Variants in CHD7 observed in about 807,000 individuals in gnomAD.
CHD7 encodes ATP-dependent chromatin remodeler CHD7.
CHD7 carries 24 observed loss-of-function variants against 307.3 expected under a neutral mutation model. The observed-to-expected ratio is 0.08, with a 90% CI of 0.06 to 0.11. CHD7 has a LOEUF of 0.11. CHD7 is among the 10% of genes least tolerant of loss of function. CHD7 has a pLI of 1.00. For synonymous variants in CHD7, 1,363 were observed against 1,349.9 expected, an observed-to-expected ratio of 1.01 and a Z score of -0.21; for missense variants, 3,106 against 3,727.1, an observed-to-expected ratio of 0.83 and a Z score of 4.34.
intron 22 of CHD7, 32 bp downstream of exon 22, chr8:60,845,095 G>A (rs1207369536): frequency 8.7e-6 from 14 of 1,606,934 alleles, no homozygotes; most frequent in Admixed American, 5.1e-5. Context: ...TGTGCTACAG[G>A]GTCACAAAGC....
chr8:60,797,302 A>G (rs1421925751), intron 4 of CHD7, among the ~76,000 whole-genome samples: 1 of 152,212 alleles, frequency 6.6e-6, no homozygotes, highest in Non-Finnish European at 1.5e-5. Context: ...TTATAATTGT[A>G]TTTTGGGGTG....
In CHD7 at chr8:60,851,309, A is replaced by G; in HGVS notation, c.5655A>G (p.Ile1885Met). ...AGGATAAGGAAGAATCCATGGAAAT[A>G]CATGCCACAGGTAAGGTCCCAGAAA... ...PSEDKEESME[I>M]HATGKHSESN... Residue 1885 changes from isoleucine to methionine, a missense_variant, in exon 28 of 38, where the codon ATA (isoleucine) becomes ATG (methionine). By Grantham distance (10) the Ile-to-Met change is conservative (BLOSUM62 1). This residue lies in a region of CHD7 where 1,030 missense variants were observed against 1,165.4 expected (regional missense o/e 0.88). Coordinates refer to ENST00000423902, the MANE Select transcript of CHD7 (RefSeq NM_017780.4). The G allele has an allele frequency of 4.5e-6, 7 of 1,559,476 alleles. 1 individual carries two copies. The South Asian group carries it at 8.3e-5, about 18-fold the overall frequency.
intron 1 of CHD7, among the ~76,000 whole-genome samples, chr8:60,694,172 T>C (rs1221493506): frequency 6.6e-6 from 1 of 152,234 alleles, no homozygotes; most frequent in African/African-American, 2.4e-5. Context: ...TATAACAGAA[T>C]CTTTTTGGCT....
intron 3 of CHD7, among the ~76,000 whole-genome samples, chr8:60,787,578 A>G (rs1811552441): frequency 1.3e-5 from 2 of 152,096 alleles, no homozygotes; most frequent in Non-Finnish European, 2.9e-5. Context: ...TTTTTAAGTA[A>G]GACAACACCC....
rs564157248 is a variant in CHD7, at chr8:60,822,290, T to G, written c.2957+145T>G. 6 of 710,540 alleles carry G rather than the reference T, an allele frequency of 8.4e-6. No individual in the cohort carries two copies. In the African/African-American group the frequency reaches 9.0e-5, roughly 11 times the overall value. 44.0% of individuals were successfully genotyped at this position (710,540 alleles called of 1,614,324 possible). ...AAGCATTGAAAATATATGTAATATT[T>G]AATAAATATTAATACAGAGATTGAT... is the stretch of plus-strand genomic sequence containing the variant. On this transcript the variant is annotated intron_variant, in intron 11 of 37. Coordinates refer to ENST00000423902, the MANE Select transcript of CHD7 (RefSeq NM_017780.4).
intron 14 of CHD7, among the ~76,000 whole-genome samples, chr8:60,829,085 T>G (rs1804383186): frequency 6.6e-6 from 1 of 152,194 alleles, no homozygotes; most frequent in Non-Finnish European, 1.5e-5. Flanking sequence ...CTGTGCAGGT[T>G]GGTAGTTTTG....
intron 11 of CHD7, 78 bp downstream of exon 11, chr8:60,822,223 G>A (rs888913361): frequency 9.1e-6 from 12 of 1,317,672 alleles, no homozygotes; most frequent in East Asian, 7.4e-5. Context: ...TAATAAAAAA[G>A]AACTTAATGT....
chr8:60,806,896 GGGA>G (rs1360879856), intron 6 of CHD7, among the ~76,000 whole-genome samples: 1 of 152,120 alleles, frequency 6.6e-6, no homozygotes, highest in Non-Finnish European at 1.5e-5. Context: ...CAGCTACTTG[GGGA>G]GGTGGTAGGG....
chr8:60,741,809 A>C lies in CHD7; in HGVS notation c.377A>C (p.Tyr126Ser). The C allele has an allele frequency of 6.2e-7, 1 of 1,613,838 alleles. No individual in the cohort carries two copies. The highest frequency in any genetic ancestry group is 1.1e-5 in the South Asian group (1 of 91,050). ...GGSGGGQMGVYPGMQNERHGQ... is the reference protein window; with the variant it reads ...GGSGGGQMGVSPGMQNERHGQ... ...AGTGGTGGCGGTCAGATGGGTGTCTACCCTGGCATGCAGAATGAGAGGCAT... is the reference window on the plus strand; with the variant it reads ...AGTGGTGGCGGTCAGATGGGTGTCTCCCCTGGCATGCAGAATGAGAGGCAT... Residue 126 changes from tyrosine (Y) to serine (S), a missense_variant, in exon 2 of 38, where the codon TAC becomes TCC. This residue lies in a region of CHD7 where 998 missense variants were observed against 1,004.5 expected (regional missense o/e 0.99). Transcript: ENST00000423902.
intron 3 of CHD7, among the ~76,000 whole-genome samples, chr8:60,784,423 C>A (rs1224772006): frequency 6.6e-6 from 1 of 152,130 alleles, no homozygotes; most frequent in Non-Finnish European, 1.5e-5. Context: ...ACTCTGCAGC[C>A]CTGTATGCCA....
At chr8:60,829,225 GCCTACGTA>G (rs1804390084) in intron 14 of CHD7, among the ~76,000 whole-genome samples, 2 of 152,194 alleles carry the variant, frequency 1.3e-5, no homozygotes, top group African/African-American at 4.8e-5. Context: ...ACTTCTTCAA[GCCTACGTA>G]TTTTCACTTT....
At chr8:60,849,431 T>C (rs1323912946) in intron 25 of CHD7, among the ~76,000 whole-genome samples, 1 of 152,234 alleles carries the variant, frequency 6.6e-6, no homozygotes, top group Admixed American at 6.5e-5. Flanking sequence ...AGTTGTACTA[T>C]AGCTCTCCCT....
intron 2 of CHD7, among the ~76,000 whole-genome samples, chr8:60,771,474 A>G (rs1311210228): frequency 8.5e-5 from 13 of 152,172 alleles, no homozygotes. Flanking sequence ...TAAGTTTCAG[A>G]TTTCGGAGCA....
intron 6 of CHD7, among the ~76,000 whole-genome samples, 197 bp downstream of exon 6, chr8:60,801,790 G>A (rs1352422201): frequency 6.6e-6 from 1 of 152,290 alleles, no homozygotes; most frequent in Middle Eastern, 3.4e-3. Flanking sequence ...ATATCAAGCA[G>A]TCAGTGCTTT....
chr8:60,741,763 C>G lies in CHD7; in HGVS notation c.331C>G (p.Pro111Ala), dbSNP rs147164392. Residue 111 changes from proline to alanine, a missense_variant, in exon 2 of 38, where the codon CCT (proline) becomes GCT (alanine). Pro to Ala is a conservative substitution (Grantham distance 27). Transcript: ENST00000423902. Reference sequence around the variant, plus strand: ...CTCGCAGTATCACACCCCTCCCGTTCCTCAGGTGCCCCATGGTGGCAGTGG... The same window carrying G: ...CTCGCAGTATCACACCCCTCCCGTTGCTCAGGTGCCCCATGGTGGCAGTGG... ...PHSQYHTPPV[P>A]QVPHGGSGGG... is the part of the protein sequence containing the mutation. The G allele has an allele frequency of 6.2e-7, 1 of 1,613,922 alleles. No individual in the cohort carries two copies.
At chr8:60,859,040 CGTT>C (rs931729067) in intron 34 of CHD7, among the ~76,000 whole-genome samples, 7 of 152,118 alleles carry the variant, frequency 4.6e-5, no homozygotes, top group African/African-American at 1.4e-4. Context: ...TATTTTAAGC[CGTT>C]GTTAAGAATT....
Position 60,741,532 on chromosome 8 carries a change from G to T in CHD7, c.100G>T (p.Val34Leu). ...LGECGYPENP[V>L]NPMGQQMPID... The stretch of plus-strand genomic sequence containing the variant: ...AGAATGTGGTTACCCGGAAAATCCA[G>T]TAAATCCTATGGGTCAGCAAATGCC... The change falls in exon 2 of 38, where the codon GTA (valine) becomes TTA (leucine). Residue 34 changes from valine to leucine, a missense_variant. By Grantham distance (32) the Val-to-Leu change is conservative (BLOSUM62 1). Coordinates refer to ENST00000423902, the MANE Select transcript of CHD7 (RefSeq NM_017780.4). The T allele has an allele frequency of 6.2e-7, 1 of 1,613,420 alleles. No individual in the cohort carries two copies. Among genetic ancestry groups the T allele is most frequent in the South Asian group, 1.1e-5 (1 of 90,890 alleles).
chr8:60,857,706 A>G (rs2129663240), intron 34 of CHD7, among the ~76,000 whole-genome samples: 1 of 152,304 alleles, frequency 6.6e-6, no homozygotes, highest in African/African-American at 2.4e-5. Flanking sequence ...TTCTTCAAGC[A>G]GTGGGACACA....
Position 60,824,004 on chromosome 8 carries a change from G to C in CHD7, c.3366G>C (p.Lys1122Asn), listed in dbSNP as rs41272440. The change falls in exon 13 of 38, where the codon AAG becomes AAC. Residue 1122 changes from lysine to asparagine, a missense_variant. Coordinates refer to ENST00000423902, the MANE Select transcript of CHD7 (RefSeq NM_017780.4). ...NRNCKLLEGL[K>N]MMDLEHKVLL... ...ACTGCAAGCTGTTGGAGGGACTCAA[G>C]ATGATGGACTTGGTCAGTGACCATA... is the stretch of plus-strand genomic sequence containing the variant. 49 of 1,612,970 alleles carry C rather than the reference G, an allele frequency of 3.0e-5. No homozygotes were observed. The highest frequency in any genetic ancestry group is 4.2e-5 in the Non-Finnish European group (49 of 1,179,056).
Sources: allele counts gnomAD v4.1 joint callset (sites outside exome capture counted in the v4.1 genomes callset), GRCh38; gene constraint gnomAD v4.1.1; regional missense constraint gnomAD v4.1.1; transcripts MANE v1.5; gene names NCBI Gene and HGNC (gene_info 2026-07-23, HGNC 2026-07-21).